Variants in SCAF11 observed in about 807,000 individuals in gnomAD.
The protein encoded by SCAF11 is protein SCAF11.
A neutral mutation model predicts 140.5 loss-of-function variants in SCAF11; 47 were observed. That is an observed-to-expected ratio of 0.33 (90% CI 0.26 to 0.43). The LOEUF (loss-of-function observed/expected upper bound fraction) is 0.43. SCAF11 is among the 20% of genes least tolerant of loss of function. The pLI is 1.00. For missense variants in SCAF11, 1,645 were observed against 1,705.1 expected (o/e 0.96, Z 0.62); for synonymous variants, 557 against 579.4 (o/e 0.96, Z 0.55).
intron 6 of SCAF11, among the ~76,000 whole-genome samples, chr12:45,943,890 A>G (rs1313835251): frequency 6.6e-6 from 1 of 152,140 alleles, no homozygotes; most frequent in Non-Finnish European, 1.5e-5. Flanking sequence ...TAGCTATCCA[A>G]TCTAATATGC....
intron 1 of SCAF11, among the ~76,000 whole-genome samples, chr12:45,972,165 G>C (rs533638980): frequency 7.2e-5 from 11 of 152,194 alleles, no homozygotes; most frequent in Non-Finnish European, 1.6e-4. Flanking sequence ...AGCGCATATT[G>C]AAAAAGTATA....
Position 45,928,490 on chromosome 12 carries a change from T to C in SCAF11, c.1211A>G (p.Asp404Gly). The C allele has an allele frequency of 6.2e-7, 1 of 1,613,548 alleles. No homozygotes were observed. Among genetic ancestry groups the C allele is most frequent in the South Asian group, 1.1e-5 (1 of 90,958 alleles). The change falls in exon 11 of 15, where the codon GAT (aspartate) becomes GGT (glycine). Residue 404 changes from aspartate to glycine, a missense_variant. Around this residue, in one of 2 missense-constraint regions of SCAF11, gnomAD observed 1,582 missense variants for 1,609.2 expected, o/e 0.98. Coordinates refer to ENST00000369367, the MANE Select transcript of SCAF11 (RefSeq NM_004719.3). Reference protein sequence around the residue: ...VAAPEKSSSNDSVDEETAESD... With the variant: ...VAAPEKSSSNGSVDEETAESD... ...TTCTGCTGTTTCTTCATCTACTGAA[T>C]CATTGGAAGATGATTTTTCAGGGGC...
intron 3 of SCAF11, among the ~76,000 whole-genome samples, chr12:45,957,211 G>C (rs1224104651): frequency 6.6e-6 from 1 of 152,024 alleles, no homozygotes; most frequent in Admixed American, 6.6e-5. Context: ...GGTTAGTTCT[G>C]GTTAATTTTT....
At chr12:45,944,979 G>A (rs1428839258) in intron 6 of SCAF11, 2 of 413,410 alleles carry the variant, frequency 4.8e-6, no homozygotes, top group Non-Finnish European at 8.5e-6. Flanking sequence ...CACAGTATGA[G>A]CTGGTCAACA....
intron 1 of SCAF11, among the ~76,000 whole-genome samples, chr12:45,978,592 T>G (rs896254947): frequency 4.6e-5 from 7 of 152,162 alleles, no homozygotes; most frequent in African/African-American, 1.7e-4. Flanking sequence ...CACTGTATTT[T>G]CACATCTGGG....
chr12:45,950,336 A>G (rs1324241881), intron 4 of SCAF11, among the ~76,000 whole-genome samples: 2 of 152,210 alleles, frequency 1.3e-5, no homozygotes, highest in Non-Finnish European at 2.9e-5. Context: ...TAGGGAAGGC[A>G]CTTAAGAGAA....
At position 45,945,400 on chromosome 12, in the gene SCAF11, A is replaced by G. The variant is rs116828610; in HGVS notation, c.399-87T>C. 1.6e-3 allele frequency: 1,290 copies of G among 781,978 alleles called. 11 individuals are homozygous for G. The African/African-American group carries it at 0.02, about 12-fold the overall frequency. The allele number at this position is 781,978 out of a possible 1,614,324, so 48.4% of individuals were successfully genotyped here. ...TTTCAACTCATTCTCCTCCATCAAAATGAAATCTATCATGCACTGATTTTG... is the reference window on the plus strand; with the variant it reads ...TTTCAACTCATTCTCCTCCATCAAAGTGAAATCTATCATGCACTGATTTTG... On this transcript the variant is annotated intron_variant, in intron 5 of 14. Coordinates refer to ENST00000369367, the MANE Select transcript of SCAF11 (RefSeq NM_004719.3).
Position 45,959,426 on chromosome 12 carries a change from A to C in SCAF11, c.219+2274T>G, listed in dbSNP as rs184421065. On this transcript the variant is annotated intron_variant, in intron 3 of 14. Transcript: ENST00000369367. ...CAAATAAATATTAACATAGTGAATT[A>C]AATGAAATTAAATGTTAGAATGTGT... 1.2e-3 allele frequency among the ~76,000 whole-genome samples: 190 copies of C among 152,336 alleles called. 1 individual carries two copies. Among genetic ancestry groups the C allele is most frequent in the African/African-American group, 4.4e-3 (184 of 41,578 alleles).
At chr12:45,940,130 A>C (rs898793926) in intron 6 of SCAF11, among the ~76,000 whole-genome samples, 4 of 152,236 alleles carry the variant, frequency 2.6e-5, no homozygotes, top group African/African-American at 9.6e-5. Flanking sequence ...AAACCTCATA[A>C]GAAATGTGAA....
rs553075356 is a variant in SCAF11 at position 45,950,276 on chromosome 12, T to C, written c.297+1374A>G. 3.1e-3 allele frequency among the ~76,000 whole-genome samples: 466 copies of C among 152,054 alleles called. 4 individuals are homozygous for C. Among genetic ancestry groups the C allele is most frequent in the Non-Finnish European group, 5.0e-3 (337 of 67,966 alleles). On this transcript the variant is annotated intron_variant, in intron 4 of 14. Coordinates refer to ENST00000369367, the MANE Select transcript of SCAF11 (RefSeq NM_004719.3). ...TAGTTGTAGAATTCAAGAAGTTCAA[T>C]TGCAAAGGGAAAAAGATAATGAAGT...
chr12:45,946,115 A>C (rs973413899), intron 5 of SCAF11, among the ~76,000 whole-genome samples: 1 of 152,224 alleles, frequency 6.6e-6, no homozygotes, highest in Non-Finnish European at 1.5e-5. Flanking sequence ...TCTAGCAAAG[A>C]AAGCATGATT....
intron 1 of SCAF11, among the ~76,000 whole-genome samples, chr12:45,968,898 C>A (rs1411259401): frequency 1.3e-5 from 2 of 152,174 alleles, no homozygotes; most frequent in Non-Finnish European, 2.9e-5. Context: ...GGCACTCCAG[C>A]CTGGGCGACA....
intron 1 of SCAF11, among the ~76,000 whole-genome samples, chr12:45,989,240 T>C (rs1046416752): frequency 1.3e-5 from 2 of 152,232 alleles, no homozygotes; most frequent in East Asian, 1.9e-4. Flanking sequence ...TAATTTTTCT[T>C]TTAAAACGAA....
chr12:45,972,427 G>T (rs948996395), intron 1 of SCAF11, among the ~76,000 whole-genome samples: 1 of 151,658 alleles, frequency 6.6e-6, no homozygotes, highest in African/African-American at 2.4e-5. Flanking sequence ...ACAAAAAATA[G>T]AAAATAAAGT....
chr12:45,919,817 T>C lies in SCAF11; in HGVS notation c.*2231A>G, dbSNP rs1214111430. ...TATGAGACTTCAACTCTTGACCACA[T>C]CACTTTTTCTCCAAAACTTTAGAAC... On this transcript the variant is annotated 3_prime_UTR_variant, in exon 15 of 15. Coordinates refer to ENST00000369367, the MANE Select transcript of SCAF11 (RefSeq NM_004719.3). 6.6e-6 allele frequency: 1 copy of C among 152,230 alleles called. No homozygotes were observed. Among genetic ancestry groups the C allele is most frequent in the African/African-American group, 2.4e-5 (1 of 41,462 alleles). 9.4% of individuals were successfully genotyped at this position (152,230 alleles called of 1,614,324 possible).
At chr12:45,930,456 GT>G (rs35174436) in intron 10 of SCAF11, among the ~76,000 whole-genome samples, 71 of 130,652 alleles carry the variant, frequency 5.4e-4, no homozygotes, top group South Asian at 1.2e-3. Context: ...TTTTTTTTTT[GT>G]TTTTTTTTTT....
intron 1 of SCAF11, among the ~76,000 whole-genome samples, chr12:45,983,892 T>C (rs1197239946): frequency 6.6e-6 from 1 of 152,074 alleles, no homozygotes; most frequent in Non-Finnish European, 1.5e-5. Context: ...AAGGAAGAAG[T>C]TTAGTCTTAT....
At chr12:45,933,005 G>T in intron 9 of SCAF11, 126 bp downstream of exon 9, 1 of 619,968 alleles carries the variant, frequency 1.6e-6, no homozygotes, top group Non-Finnish European at 2.7e-6. Flanking sequence ...AAACACCAAA[G>T]TTTAATTTGC....
Position 45,922,526 on chromosome 12 carries a change from A to G in SCAF11, c.4182T>C (p.Phe1394=), listed in dbSNP as rs751144855. Residue 1394 remains phenylalanine (F), a synonymous_variant, in exon 14 of 15, where the codon TTT becomes TTC. Coordinates refer to ENST00000369367, the MANE Select transcript of SCAF11 (RefSeq NM_004719.3). ...AQEVKLAIKP[F]YQNKDITKEE... ...CCTTGGTGATATCTTTATTTTGGTA[A>G]AATGGCTTGATGGCCAATTTTACCT... 1.2e-5 allele frequency: 19 copies of G among 1,599,510 alleles called. No individual in the cohort carries two copies. In the South Asian group the frequency reaches 2.2e-4, roughly 18 times the overall value.
Sources: gnomAD v4.1 joint callset for allele counts (sites outside exome capture counted in the v4.1 genomes callset) on GRCh38, gnomAD v4.1.1 for gene constraint, gnomAD v4.1.1 regional missense constraint, MANE v1.5 for transcripts, NCBI Gene and HGNC (gene_info 2026-07-23, HGNC 2026-07-21) for gene names.